EPHB3: variants seen among roughly 807,000 people sequenced by gnomAD.
EPHB3 encodes EPH receptor B3.
Under a neutral mutation model 100.2 loss-of-function variants are expected in EPHB3, and 33 were observed. The ratio of observed to expected loss-of-function variants is 0.33; its 90% CI spans 0.25 to 0.44. The LOEUF (loss-of-function observed/expected upper bound fraction) is 0.44, where lower values mean the gene tolerates loss of function less well. EPHB3 is among the 20% of genes least tolerant of loss of function. The probability of loss-of-function intolerance (pLI) is 1.00; values close to 1 mark genes in which losing one functional copy is unlikely to be tolerated. For synonymous variants in EPHB3, 526 were observed against 554.7 expected, an observed-to-expected ratio of 0.95 and a Z score of 0.73; for missense variants, 1,045 against 1,378.3, an observed-to-expected ratio of 0.76 and a Z score of 3.83.
chr3:184,565,214 C>A lies in EPHB3; in HGVS notation c.118+2861C>A, dbSNP rs929671836. Among the ~76,000 whole-genome samples, 1 of 152,132 alleles carries A rather than the reference C, an allele frequency of 6.6e-6. No homozygotes were observed. Among genetic ancestry groups the A allele is most frequent in the Admixed American group, 6.5e-5 (1 of 15,282 alleles). On this transcript the variant is annotated intron_variant, in intron 1 of 15. Coordinates refer to ENST00000330394, the MANE Select transcript of EPHB3 (RefSeq NM_004443.4). This position sits in a 1 kb window ranked among gnomAD's most constrained non-coding sequence, Gnocchi z 4.8. ...TTGCCCTCTGATTGATTGTCCCCTT[C>A]CCCCATGCAAATTGCCCTGGGCTTT...
chr3:184,568,440 C>T (rs1714450117), intron 1 of EPHB3, among the ~76,000 whole-genome samples: 1 of 152,198 alleles, frequency 6.6e-6, no homozygotes, highest in Non-Finnish European at 1.5e-5. Context: ...CCTCTTTTGT[C>T]TTTACCCGCT....
Position 184,572,921 on chromosome 3 carries a change from T to A in EPHB3, c.601T>A (p.Ser201Thr). The A allele has an allele frequency of 6.4e-7, 1 of 1,566,826 alleles. No individual in the cohort carries two copies. The highest frequency in any genetic ancestry group is 1.2e-5 in the South Asian group (1 of 83,128). ...CTTCCAGGACCAGGGCGCCTGCATG[T>A]CGCTCATCTCCGTGCGCGCCTTCTA... ...LAFQDQGACM[S>T]LISVRAFYKK... is the part of the protein sequence containing the mutation. The change falls in exon 3 of 16, where the codon TCG becomes ACG. Residue 201 changes from serine to threonine, a missense_variant. Around this residue, in one of 2 missense-constraint regions of EPHB3, gnomAD observed 985 missense variants for 1,331.1 expected, o/e 0.74. Transcript: ENST00000330394. The surrounding 1 kb of genome is among the most constrained non-coding windows in gnomAD (Gnocchi z 6.6).
At position 184,573,247 on chromosome 3, in the gene EPHB3, C is replaced by T; in HGVS notation, c.856+71C>T. On this transcript the variant is annotated intron_variant, in intron 3 of 15. Transcript: ENST00000330394. The surrounding 1 kb of genome is among the most constrained non-coding windows in gnomAD (Gnocchi z 4.5). The stretch of plus-strand genomic sequence containing the variant: ...GCCACAGCTACCTACCGCCCCGCCC[C>T]CCACCCCTGCTTGCTATCTGACTAG... 6.3e-7 allele frequency: 1 copy of T among 1,574,926 alleles called. No individual in the cohort carries two copies. Among genetic ancestry groups the T allele is most frequent in the Non-Finnish European group, 8.6e-7 (1 of 1,164,422 alleles).
At chr3:184,574,316 T>TCC (rs781205022) in intron 3 of EPHB3, among the ~76,000 whole-genome samples, 1 of 152,178 alleles carries the variant, frequency 6.6e-6, no homozygotes, top group Non-Finnish European at 1.5e-5. Context: ...ATCAAAATTG[T>TCC]CCACCTAGGG....
chr3:184,572,462 A>G lies in EPHB3; in HGVS notation c.184-42A>G. On this transcript the variant is annotated intron_variant, in intron 2 of 15. Coordinates refer to ENST00000330394, the MANE Select transcript of EPHB3 (RefSeq NM_004443.4). This position sits in a 1 kb window ranked among gnomAD's most constrained non-coding sequence, Gnocchi z 6.6. ...TGGGCACGAGGGAAGCACTTGGCAAATGCAGGCATTCACTCTGTCTTTTTC... is the reference window on the plus strand; with the variant it reads ...TGGGCACGAGGGAAGCACTTGGCAAGTGCAGGCATTCACTCTGTCTTTTTC... The G allele has an allele frequency of 6.6e-7, 1 of 1,522,672 alleles. No individual in the cohort carries two copies. Among genetic ancestry groups the G allele is most frequent in the South Asian group, 1.3e-5 (1 of 74,118 alleles). 94.3% of individuals were successfully genotyped at this position (1,522,672 alleles called of 1,614,324 possible).
chr3:184,572,515 G>C lies in EPHB3; in HGVS notation c.195G>C (p.Val65=). The stretch of plus-strand genomic sequence containing the variant: ...TGGTCCATGCACAGTGGGAAGAGGT[G>C]AGTGGCTACGATGAGGCCATGAATC... The part of the protein sequence containing the change: ...TSHPESGWEE[V]SGYDEAMNPI... The change falls in exon 3 of 16, where the codon GTG becomes GTC. Residue 65 remains valine, a synonymous_variant. Coordinates refer to ENST00000330394, the MANE Select transcript of EPHB3 (RefSeq NM_004443.4). This position sits in a 1 kb window ranked among gnomAD's most constrained non-coding sequence, Gnocchi z 6.6. The C allele has an allele frequency of 6.4e-7, 1 of 1,561,010 alleles. No homozygotes were observed. Among genetic ancestry groups the C allele is most frequent in the African/African-American group, 1.4e-5 (1 of 73,214 alleles).
At position 184,581,076 on chromosome 3, in the gene EPHB3, C is replaced by G. The variant is rs746453403; in HGVS notation, c.2643C>G (p.Leu881=). ...ACTGCTGGGTGCGGGACCGGAACCTCAGGCCCAAATTCTCCCAGATTGTCA... is the reference window on the plus strand; with the variant it reads ...ACTGCTGGGTGCGGGACCGGAACCTGAGGCCCAAATTCTCCCAGATTGTCA... ...MLDCWVRDRN[L]RPKFSQIVNT... The change falls in exon 14 of 16, where the codon CTC becomes CTG. Residue 881 remains leucine (L), a synonymous_variant. Transcript: ENST00000330394. 4.3e-5 allele frequency: 69 copies of G among 1,614,106 alleles called. No homozygotes were observed. The Admixed American group carries it at 1.1e-3, about 27-fold the overall frequency.
intron 1 of EPHB3, among the ~76,000 whole-genome samples, chr3:184,566,328 T>C (rs972471959): frequency 1.3e-5 from 2 of 152,184 alleles, no homozygotes; most frequent in Non-Finnish European, 2.9e-5. Context: ...CCCTCTCAGG[T>C]TTATTTAATT....
rs1714684995 is a variant in EPHB3 at position 184,576,699 on chromosome 3, GA to G, written c.1013-140del. Reference sequence around the variant, plus strand: ...GATAAATAGGAGTCTGCCTGGTGAAGAAATGTAGGAACGTTATTCTGCTTAT... The same window carrying G: ...GATAAATAGGAGTCTGCCTGGTGAAGAATGTAGGAACGTTATTCTGCTTAT... On this transcript the variant is annotated intron_variant, in intron 4 of 15. Coordinates refer to ENST00000330394, the MANE Select transcript of EPHB3 (RefSeq NM_004443.4). The G allele has an allele frequency of 5.2e-6, 4 of 769,496 alleles. 1 individual carries two copies. In the South Asian group the frequency reaches 9.8e-5, roughly 19 times the overall value. 47.7% of individuals were successfully genotyped at this position (769,496 alleles called of 1,614,324 possible). A position where few individuals can be genotyped will look rare whatever the true frequency, so the allele number is the denominator to read the frequency against.
In EPHB3 at chr3:184,575,929, C is replaced by A. The variant is rs746687191; in HGVS notation, c.956C>A (p.Thr319Asn). ...RTTSPAASICTCHNNFYRADS... is the reference protein window; with the variant it reads ...RTTSPAASICNCHNNFYRADS... ...ACCTCCCCAGCCGCCAGCATCTGCA[C>A]CTGCCACAATAACTTCTACCGTGCA... Residue 319 changes from threonine (T) to asparagine (N), a missense_variant, in exon 4 of 16, where the codon ACC becomes AAC. Thr to Asn is a moderately conservative substitution (Grantham distance 65). Around this residue, in one of 2 missense-constraint regions of EPHB3, gnomAD observed 985 missense variants for 1,331.1 expected, o/e 0.74. Coordinates refer to ENST00000330394, the MANE Select transcript of EPHB3 (RefSeq NM_004443.4). The A allele has an allele frequency of 8.1e-6, 13 of 1,613,856 alleles. No individual in the cohort carries two copies. Among genetic ancestry groups the A allele is most frequent in the African/African-American group, 2.7e-5 (2 of 74,928 alleles).
chr3:184,575,821 C>T lies in EPHB3; in HGVS notation c.857-9C>T. The T allele has an allele frequency of 4.4e-6, 7 of 1,586,590 alleles. No homozygotes were observed. Among genetic ancestry groups the T allele is most frequent in the Non-Finnish European group, 6.0e-6 (7 of 1,166,952 alleles). On this transcript the variant is annotated splice_polypyrimidine_tract_variant and intron_variant, in intron 3 of 15. Coordinates refer to ENST00000330394, the MANE Select transcript of EPHB3 (RefSeq NM_004443.4). Reference sequence around the variant, plus strand: ...AGGTGAGCCCCATTCATCCTCTTCTCTCCCACAGCCTGTCCCCCTGGGAGC... The same window carrying T: ...AGGTGAGCCCCATTCATCCTCTTCTTTCCCACAGCCTGTCCCCCTGGGAGC...
rs1324171275 is a variant in EPHB3 at position 184,562,267 on chromosome 3, C to A, written c.32C>A (p.Ser11Ter). 8.5e-7 allele frequency: 1 copy of A among 1,172,872 alleles called. No homozygotes were observed. The allele number at this position is 1,172,872 out of a possible 1,614,324, so 72.7% of individuals were successfully genotyped here. The change falls in exon 1 of 16, where the codon TCG becomes TAG. Residue 11 changes from serine to a stop codon, truncating the protein, a stop_gained. Transcript: ENST00000330394. LOFTEE classifies it high-confidence loss of function. This position sits in a 1 kb window ranked among gnomAD's most constrained non-coding sequence, Gnocchi z 4.8. MARARPPPPP[S>*]PPPGLLPLLP... ...AGAGCCCGCCCGCCGCCGCCGCCGT[C>A]GCCGCCGCCGGGGCTTCTGCCGCTG...
intron 1 of EPHB3, among the ~76,000 whole-genome samples, chr3:184,567,053 A>G (rs1386542780): frequency 6.6e-6 from 1 of 152,132 alleles, no homozygotes; most frequent in Non-Finnish European, 1.5e-5. Flanking sequence ...AGCCTTGCCC[A>G]GAGCTTCTGA....
rs372396917 is a variant in EPHB3 at position 184,580,570 on chromosome 3, C to T, written c.2341C>T (p.Arg781Cys). The T allele has an allele frequency of 1.7e-5, 28 of 1,614,068 alleles. No individual in the cohort carries two copies. The highest frequency in any genetic ancestry group is 2.0e-5 in the Non-Finnish European group (24 of 1,180,026). ...VCKVSDFGLS[R>C]FLEDDPSDPT... ...CAAAGTCTCAGACTTTGGCCTCTCC[C>T]GCTTCCTGGAGGATGACCCCTCCGA... Residue 781 changes from arginine to cysteine, a missense_variant, in exon 12 of 16, where the codon CGC becomes TGC. By Grantham distance (180) the Arg-to-Cys change is radical. This residue lies in a region of EPHB3 where 985 missense variants were observed against 1,331.1 expected (regional missense o/e 0.74). Coordinates refer to ENST00000330394, the MANE Select transcript of EPHB3 (RefSeq NM_004443.4).
In EPHB3 at chr3:184,562,234, C is replaced by A; in HGVS notation, c.-2C>A. 1 of 927,992 alleles carries A rather than the reference C, an allele frequency of 1.1e-6. No homozygotes were observed. The highest frequency in any genetic ancestry group is 1.4e-6 in the Non-Finnish European group (1 of 737,372). The allele number at this position is 927,992 out of a possible 1,614,324, so 57.5% of individuals were successfully genotyped here. On this transcript the variant is annotated 5_prime_UTR_variant, in exon 1 of 16. Transcript: ENST00000330394. The surrounding 1 kb of genome is among the most constrained non-coding windows in gnomAD (Gnocchi z 4.8). ...GGCTCGGCTCCTAGAGCTGCCACGGCCATGGCCAGAGCCCGCCCGCCGCCG... is the reference window on the plus strand; with the variant it reads ...GGCTCGGCTCCTAGAGCTGCCACGGACATGGCCAGAGCCCGCCCGCCGCCG...
Position 184,575,995 on chromosome 3 carries a change from C to T in EPHB3, c.1012+10C>T, listed in dbSNP as rs376154739. The T allele has an allele frequency of 1.4e-5, 23 of 1,600,504 alleles. No individual in the cohort carries two copies. The highest frequency in any genetic ancestry group is 5.6e-5 in the South Asian group (5 of 89,606). On this transcript the variant is annotated intron_variant, in intron 4 of 15. Transcript: ENST00000330394. ...GACAGTGCCTGTACCAGTGAGTGAA[C>T]GCGTGACCTCTCTTTCCCTCTGCAG...
intron 3 of EPHB3, among the ~76,000 whole-genome samples, chr3:184,574,152 T>G (rs1278015244): frequency 6.6e-6 from 1 of 152,244 alleles, no homozygotes; most frequent in Non-Finnish European, 1.5e-5. Context: ...GTCTGGCACA[T>G]GGGAGCACAG....
In EPHB3 at chr3:184,575,488, CTCT is replaced by C. The variant is rs766379088; in HGVS notation, c.857-336_857-334del. Among the ~76,000 whole-genome samples the C allele has an allele frequency of 1.2e-4, 19 of 152,224 alleles. No homozygotes were observed. The South Asian group carries it at 3.3e-3, about 27-fold the overall frequency. On this transcript the variant is annotated intron_variant, in intron 3 of 15. Transcript: ENST00000330394. ...CGGGTGCTGCTAGCCCACCGGTGGT[CTCT>C]TCTTCACCCCACCTCTTCCTCTGTC...
rs1560051269 is a variant in EPHB3 at position 184,562,964 on chromosome 3, C to T, written c.118+611C>T. On this transcript the variant is annotated intron_variant, in intron 1 of 15. Transcript: ENST00000330394. This position sits in a 1 kb window ranked among gnomAD's most constrained non-coding sequence, Gnocchi z 4.8. The stretch of plus-strand genomic sequence containing the variant: ...TTTGTGGAGGCTCCCTCTCCGCCTG[C>T]TAGAGCAGGGCTTGGGTCTCCATTT... Among the ~76,000 whole-genome samples, 1 of 152,230 alleles carries T rather than the reference C, an allele frequency of 6.6e-6. No individual in the cohort carries two copies.
Sources: gnomAD v4.1 joint callset for allele counts (sites outside exome capture counted in the v4.1 genomes callset) on GRCh38, gnomAD v4.1.1 for gene constraint, gnomAD v4.1.1 regional missense constraint, Gnocchi (gnomAD v3.1) non-coding constraint, MANE v1.5 for transcripts, NCBI Gene and HGNC (gene_info 2026-07-23, HGNC 2026-07-21) for gene names.